CMIP: variants seen among roughly 807,000 people sequenced by gnomAD.
The protein encoded by CMIP is C-Maf-inducing protein.
In CMIP, 13 loss-of-function variants were observed where a neutral mutation model predicts 97.3. The observed-to-expected ratio is 0.13, with a 90% CI of 0.09 to 0.21. The LOEUF (loss-of-function observed/expected upper bound fraction) is 0.21, where lower values mean the gene tolerates loss of function less well. CMIP is among the 10% of genes least tolerant of loss of function. The pLI is 1.00. For missense variants in CMIP, 847 were observed against 1,024.9 expected, an observed-to-expected ratio of 0.83 and a Z score of 2.37; for synonymous variants, 538 against 436.3, an observed-to-expected ratio of 1.23 and a Z score of -2.91.
At chr16:81,598,244 A>G (rs1339489061) in intron 1 of CMIP, among the ~76,000 whole-genome samples, 1 of 151,446 alleles carries the variant, frequency 6.6e-6, no homozygotes, top group Non-Finnish European at 1.5e-5. Context: ...CAACGGGGGT[A>G]TCGTCTACAA....
intron 18 of CMIP, 21 bp downstream of exon 18, chr16:81,704,106 G>A (rs752411326): frequency 1.9e-6 from 3 of 1,594,820 alleles, no homozygotes; most frequent in East Asian, 4.5e-5. Context: ...CCGCCCTGCT[G>A]CAGTCCCCCA....
At chr16:81,667,766 AAGAGAGAGAGAGAG>A (rs59388984) in intron 7 of CMIP, among the ~76,000 whole-genome samples, 17 of 85,208 alleles carry the variant, frequency 2.0e-4, no homozygotes, top group Non-Finnish European at 3.2e-4. Context: ...GAGGGAGAGA[AAGAGAGAGAGAGAG>A]AGAGAGAGAG....
At chr16:81,651,989 G>T (rs189902823) in intron 3 of CMIP, among the ~76,000 whole-genome samples, 1 of 152,222 alleles carries the variant, frequency 6.6e-6, no homozygotes, top group East Asian at 1.9e-4. Context: ...AATGAGTCTA[G>T]TGTCAGGAGG....
intron 1 of CMIP, among the ~76,000 whole-genome samples, chr16:81,504,529 G>C (rs1241539319): frequency 1.4e-5 from 2 of 140,514 alleles, no homozygotes; most frequent in African/African-American, 2.7e-5. Flanking sequence ...AGTAATCCCA[G>C]CTACTCGGGA....
At chr16:81,634,597 C>T (rs561029313) in intron 3 of CMIP, among the ~76,000 whole-genome samples, 10 of 152,256 alleles carry the variant, frequency 6.6e-5, no homozygotes, top group South Asian at 4.1e-4. Context: ...GTCTGCCGCA[C>T]GAGTGTCTGA....
At chr16:81,677,379 G>A (rs1408006927) in intron 9 of CMIP, among the ~76,000 whole-genome samples, 1 of 152,128 alleles carries the variant, frequency 6.6e-6, no homozygotes, top group African/African-American at 2.4e-5. Flanking sequence ...AGAGACGGTC[G>A]GAATCACTGT....
intron 1 of CMIP, among the ~76,000 whole-genome samples, chr16:81,555,951 A>G (rs978782509): frequency 2.6e-5 from 4 of 152,194 alleles, no homozygotes; most frequent in Admixed American, 2.0e-4. Context: ...ACCTTGGTAT[A>G]CAGGAAGTGT....
intron 7 of CMIP, chr16:81,667,363 T>G (rs948010815): frequency 1.3e-5 from 2 of 152,246 alleles, no homozygotes; most frequent in African/African-American, 4.8e-5. Flanking sequence ...TGTATCTCTG[T>G]GCCCCCACGC....
intron 1 of CMIP, among the ~76,000 whole-genome samples, chr16:81,445,825 C>G (rs900451133): frequency 6.6e-6 from 1 of 151,306 alleles, no homozygotes; most frequent in African/African-American, 2.4e-5. Flanking sequence ...GCCCCCAGCT[C>G]TTGTGTTTCT....
chr16:81,476,315 G>C, intron 1 of CMIP: 1 of 1,534,512 alleles, frequency 6.5e-7, no homozygotes. Flanking sequence ...CCATTACGGC[G>C]TGTGAAGTCA....
At chr16:81,640,018 TC>T (rs2092284671) in intron 3 of CMIP, among the ~76,000 whole-genome samples, 2 of 152,034 alleles carry the variant, frequency 1.3e-5, no homozygotes, top group Non-Finnish European at 2.9e-5. Context: ...GCCGGAATCC[TC>T]CCCCATGGCT....
chr16:81,484,341 C>T (rs907829476), intron 1 of CMIP, among the ~76,000 whole-genome samples: 3 of 152,216 alleles, frequency 2.0e-5, no homozygotes, highest in Non-Finnish European at 4.4e-5. Context: ...TGAAGGAGGC[C>T]TGGTGCAGCT....
chr16:81,661,903 G>C (rs951513445), intron 6 of CMIP, among the ~76,000 whole-genome samples: 6 of 152,074 alleles, frequency 3.9e-5, no homozygotes, highest in Non-Finnish European at 8.8e-5. Context: ...GAGTGCCCAG[G>C]GTACCTGTCA....
At chr16:81,591,322 G>A (rs1001391039) in intron 1 of CMIP, among the ~76,000 whole-genome samples, 1 of 152,170 alleles carries the variant, frequency 6.6e-6, no homozygotes, top group Non-Finnish European at 1.5e-5. Context: ...ACCAGCTAAG[G>A]TGCCAGATAG....
At chr16:81,519,450 G>A (rs1285590842) in intron 1 of CMIP, 2 of 152,306 alleles carry the variant, frequency 1.3e-5, no homozygotes, top group Non-Finnish European at 2.9e-5. Context: ...CAGAGGAATT[G>A]GGTTCTCTGG....
At position 81,655,578 on chromosome 16, in the gene CMIP, G is replaced by A. The variant is rs1478291379; in HGVS notation, c.640-2197G>A. Among the ~76,000 whole-genome samples the A allele has an allele frequency of 6.6e-6, 1 of 152,186 alleles. No individual in the cohort carries two copies. The highest frequency in any genetic ancestry group is 2.4e-5 in the African/African-American group (1 of 41,440). On this transcript the variant is annotated intron_variant, in intron 4 of 20. Coordinates refer to ENST00000537098, the MANE Select transcript of CMIP (RefSeq NM_198390.3). This position sits in a 1 kb window ranked among gnomAD's most constrained non-coding sequence, Gnocchi z 4.9. Reference sequence around the variant, plus strand: ...AGAAGGCTCCCTGTAGAATGCATGGGCTGTCCTGTGACTGGGACAAAGGAA... The same window carrying A: ...AGAAGGCTCCCTGTAGAATGCATGGACTGTCCTGTGACTGGGACAAAGGAA...
At chr16:81,607,500 G>C (rs2091763281) in intron 1 of CMIP, 67 bp from the exon 2 acceptor site, 1 of 1,585,260 alleles carries the variant, frequency 6.3e-7, no homozygotes, top group Non-Finnish European at 8.6e-7. Context: ...AAAACCGTCT[G>C]AGATGCGGAC....
In CMIP at chr16:81,668,031, C is replaced by T. The variant is rs577829183; in HGVS notation, c.826-2111C>T. The stretch of plus-strand genomic sequence containing the variant: ...CTAGAAACTCTCTCCTGGGAGCCTG[C>T]GGGAGGGAGTGGTAGGAACGGGTTC... On this transcript the variant is annotated intron_variant, in intron 7 of 20. Transcript: ENST00000537098. 5.9e-5 allele frequency among the ~76,000 whole-genome samples: 9 copies of T among 151,800 alleles called. No homozygotes were observed. In the South Asian group the frequency reaches 6.3e-4, roughly 11 times the overall value.
intron 1 of CMIP, among the ~76,000 whole-genome samples, chr16:81,538,291 G>T (rs1341966862): frequency 6.6e-6 from 1 of 152,184 alleles, no homozygotes; most frequent in Non-Finnish European, 1.5e-5. Context: ...AGACACTTAA[G>T]ACATAGGCGG....
Sources: allele counts gnomAD v4.1 joint callset (sites outside exome capture counted in the v4.1 genomes callset), GRCh38; gene constraint gnomAD v4.1.1; non-coding constraint Gnocchi (gnomAD v3.1); transcripts MANE v1.5; gene names NCBI Gene and HGNC (gene_info 2026-07-23, HGNC 2026-07-21).